HDAC9: variants seen among roughly 807,000 people sequenced by gnomAD.
HDAC9 encodes the protein histone deacetylase 9.
HDAC9 carries 41 observed loss-of-function variants against 139.4 expected under a neutral mutation model. That is an observed-to-expected ratio of 0.29 (90% CI 0.23 to 0.38). The LOEUF (loss-of-function observed/expected upper bound fraction) is 0.38, where lower values mean the gene tolerates loss of function less well. Among genes scored for constraint, HDAC9 ranks in the 10% least tolerant of loss-of-function variants. The pLI, the probability that HDAC9 is intolerant of heterozygous loss-of-function variation, is 1.00. For missense variants in HDAC9, 1,147 were observed against 1,297.0 expected (o/e 0.88, Z 1.78); for synonymous variants, 517 against 476.2 (o/e 1.09, Z -1.12).
chr7:18,896,728 G>T (rs767859729), intron 22 of HDAC9, among the ~76,000 whole-genome samples: 2 of 151,916 alleles, frequency 1.3e-5, no homozygotes, highest in African/African-American at 4.8e-5. Flanking sequence ...TTCTTTTTGT[G>T]CAAAAGCCAT....
chr7:18,115,554 C>T (rs1202122881), intron 1 of HDAC9, among the ~76,000 whole-genome samples: 1 of 152,120 alleles, frequency 6.6e-6, no homozygotes, highest in African/African-American at 2.4e-5. Context: ...AAGTCATTTA[C>T]ATTTTATATT....
chr7:18,317,479 C>T (rs757231969), intron 1 of HDAC9, among the ~76,000 whole-genome samples: 120 of 152,262 alleles, frequency 7.9e-4, no homozygotes, highest in African/African-American at 2.0e-3. Context: ...AATCTTAAAA[C>T]GGACTTTTGA....
At chr7:18,639,190 A>T (rs1405176601) in intron 8 of HDAC9, among the ~76,000 whole-genome samples, 1 of 152,078 alleles carries the variant, frequency 6.6e-6, no homozygotes, top group African/African-American at 2.4e-5. Context: ...CCCCAATCTC[A>T]CATGACTCAT....
intron 24 of HDAC9, among the ~76,000 whole-genome samples, chr7:18,966,659 C>T (rs1381074593): frequency 2.0e-5 from 3 of 152,018 alleles, no homozygotes; most frequent in African/African-American, 7.2e-5. Context: ...GGAGATTGCA[C>T]CACCGCGCTC....
intron 2 of HDAC9, among the ~76,000 whole-genome samples, chr7:18,527,920 A>G (rs759162513): frequency 2.2e-4 from 34 of 152,230 alleles, no homozygotes; most frequent in Non-Finnish European, 4.0e-4. Context: ...CACTTGTCCC[A>G]TTACTGATCC....
At chr7:18,299,932 T>C (rs1431021760) in intron 1 of HDAC9, among the ~76,000 whole-genome samples, 1 of 152,184 alleles carries the variant, frequency 6.6e-6, no homozygotes, top group Non-Finnish European at 1.5e-5. Context: ...CAAGAGACTG[T>C]CATGACAAGC....
chr7:18,374,533 A>G (rs958043895), intron 1 of HDAC9, among the ~76,000 whole-genome samples: 1 of 152,054 alleles, frequency 6.6e-6, no homozygotes. Flanking sequence ...AACAATGGTA[A>G]GTATTTCTGT....
chr7:18,605,771 C>T (rs550905863), intron 6 of HDAC9, among the ~76,000 whole-genome samples: 1 of 152,058 alleles, frequency 6.6e-6, no homozygotes, highest in Non-Finnish European at 1.5e-5. Context: ...AGCTCCGCCT[C>T]CCAGGTTCAC....
intron 1 of HDAC9, among the ~76,000 whole-genome samples, chr7:18,331,672 G>T (rs560151068): frequency 6.6e-6 from 1 of 151,646 alleles, no homozygotes; most frequent in East Asian, 1.9e-4. Flanking sequence ...TGTGTACACA[G>T]GAAAAATATA....
At chr7:18,171,382 C>G (rs1018514256) in intron 2 of HDAC9, among the ~76,000 whole-genome samples, 4 of 152,178 alleles carry the variant, frequency 2.6e-5, no homozygotes, top group African/African-American at 9.7e-5. Flanking sequence ...ACAATCATGT[C>G]ATCTGCAAAC....
At chr7:18,870,016 G>T (rs1013567517) in intron 21 of HDAC9, among the ~76,000 whole-genome samples, 1 of 151,254 alleles carries the variant, frequency 6.6e-6, no homozygotes, top group Non-Finnish European at 1.5e-5. Flanking sequence ...TCTGATACTT[G>T]TTAGCATTTT....
At chr7:18,431,543 G>A (rs1289743428) in intron 1 of HDAC9, among the ~76,000 whole-genome samples, 1 of 152,126 alleles carries the variant, frequency 6.6e-6, no homozygotes, top group Non-Finnish European at 1.5e-5. Context: ...CAACAACCCT[G>A]AGGACTTCAA....
At chr7:18,732,688 C>T (rs1178137) in intron 13 of HDAC9, among the ~76,000 whole-genome samples, 42,957 of 78,740 alleles carry the variant, frequency 0.55, 13,416 homozygotes, top group East Asian at 0.87. Flanking sequence ...CGTATGTGTA[C>T]ACACACACAC....
Position 18,666,200 on chromosome 7 carries a change from C to T in HDAC9, c.1468-13C>T, listed in dbSNP as rs1248094466. 1 of 1,595,704 alleles carries T rather than the reference C, an allele frequency of 6.3e-7. No homozygotes were observed. The highest frequency in any genetic ancestry group is 1.7e-5 in the Admixed American group (1 of 58,594). ...AACTACTGAATTTTGAACCCCTGAA[C>T]ACTCTCTTCTAGCTGCTTTCGAAAT... is the stretch of plus-strand genomic sequence containing the variant. On this transcript the variant is annotated splice_polypyrimidine_tract_variant and intron_variant, in intron 11 of 25. Transcript: ENST00000686413.
chr7:18,294,504 CAG>C (rs1798012711), intron 1 of HDAC9, among the ~76,000 whole-genome samples: 3 of 152,074 alleles, frequency 2.0e-5, no homozygotes, highest in African/African-American at 7.2e-5. Context: ...CTTCTAGTCA[CAG>C]GGAACTGGAT....
intron 21 of HDAC9, among the ~76,000 whole-genome samples, chr7:18,870,898 A>G (rs935919353): frequency 6.6e-6 from 1 of 152,134 alleles, no homozygotes; most frequent in African/African-American, 2.4e-5. Flanking sequence ...CCTAGGCTCA[A>G]GCAATTCTCC....
intron 1 of HDAC9, among the ~76,000 whole-genome samples, chr7:18,401,751 A>G (rs766466682): frequency 1.3e-5 from 2 of 152,166 alleles, no homozygotes; most frequent in African/African-American, 2.4e-5. Context: ...TCTGCTACGT[A>G]CAGCTCTCTT....
chr7:18,749,317 T>C (rs886893021), intron 14 of HDAC9, among the ~76,000 whole-genome samples, 179 bp downstream of exon 14: 2 of 152,232 alleles, frequency 1.3e-5, no homozygotes, highest in African/African-American at 4.8e-5. Flanking sequence ...GGGCACACTG[T>C]AAGTACTTGG....
intron 1 of HDAC9, among the ~76,000 whole-genome samples, chr7:18,096,544 G>T (rs1017456003): frequency 1.3e-5 from 2 of 152,140 alleles, no homozygotes; most frequent in Non-Finnish European, 2.9e-5. Context: ...ACCTCAGTTT[G>T]AAATACACAG....
Sources: gnomAD v4.1 joint callset for allele counts (sites outside exome capture counted in the v4.1 genomes callset) on GRCh38, gnomAD v4.1.1 for gene constraint, MANE v1.5 for transcripts, NCBI Gene and HGNC (gene_info 2026-07-23, HGNC 2026-07-21) for gene names.